The following PODXL variants were observed in gnomAD, a reference collection of about 807,000 sequenced individuals.
PODXL encodes podocalyxin.
A neutral mutation model predicts 48.9 loss-of-function variants in PODXL; 20 were observed. The ratio of observed to expected loss-of-function variants is 0.41; its 90% CI spans 0.29 to 0.59. PODXL has a LOEUF of 0.59. PODXL is among the 20% of genes least tolerant of loss of function. The pLI is 0.31. For synonymous variants in PODXL, 295 were observed against 287.4 expected (o/e 1.03, Z -0.27); for missense variants, 606 against 675.1 (o/e 0.90, Z 1.13).
At chr7:131,507,080 G>C (rs1389480095) in intron 5 of PODXL, among the ~76,000 whole-genome samples, 1 of 152,220 alleles carries the variant, frequency 6.6e-6, no homozygotes, top group Non-Finnish European at 1.5e-5. Flanking sequence ...ACGGGCTAGA[G>C]AGGGGGCACT....
intron 1 of PODXL, among the ~76,000 whole-genome samples, chr7:131,554,054 T>C (rs781221145): frequency 7.2e-5 from 11 of 152,190 alleles, no homozygotes; most frequent in Non-Finnish European, 1.5e-4. Flanking sequence ...AATTCCTTTG[T>C]TGCAGAGACT....
At chr7:131,517,426 G>A (rs1798017678) in intron 1 of PODXL, among the ~76,000 whole-genome samples, 1 of 152,206 alleles carries the variant, frequency 6.6e-6, no homozygotes. Context: ...GACTCACAAC[G>A]ATAGAGAACG....
rs74873813 is a variant in PODXL at position 131,503,588 on chromosome 7, C to G, written c.*723G>C. On this transcript the variant is annotated 3_prime_UTR_variant, in exon 9 of 9. Coordinates refer to ENST00000378555, the MANE Select transcript of PODXL (RefSeq NM_001018111.3). Reference sequence around the variant, plus strand: ...CTGTGTGGGTTAAGCCCCCATCTCACGAAGCAAATGTGAGAAAATCCGAAT... The same window carrying G: ...CTGTGTGGGTTAAGCCCCCATCTCAGGAAGCAAATGTGAGAAAATCCGAAT... 6.6e-6 allele frequency: 1 copy of G among 152,336 alleles called. No individual in the cohort carries two copies. Among genetic ancestry groups the G allele is most frequent in the African/African-American group, 2.4e-5 (1 of 41,400 alleles). 9.4% of individuals were successfully genotyped at this position (152,336 alleles called of 1,614,324 possible). A position where few individuals can be genotyped will look rare whatever the true frequency, so the allele number is the denominator to read the frequency against.
intron 1 of PODXL, among the ~76,000 whole-genome samples, chr7:131,553,433 C>G (rs1270817324): frequency 6.6e-6 from 1 of 152,172 alleles, no homozygotes. Flanking sequence ...GATCCCAATG[C>G]CTGGGGTCCC....
intron 1 of PODXL, among the ~76,000 whole-genome samples, chr7:131,532,123 AATCATC>A (rs1246306662): frequency 2.7e-5 from 4 of 147,946 alleles, no homozygotes; most frequent in Admixed American, 6.7e-5. Flanking sequence ...TAATAATAAT[AATCATC>A]ATCATCATCA....
chr7:131,542,352 G>A (rs981483255), intron 1 of PODXL, among the ~76,000 whole-genome samples: 5 of 152,164 alleles, frequency 3.3e-5, no homozygotes, highest in African/African-American at 1.2e-4. Flanking sequence ...AAGAAAAGAA[G>A]GCTAATTCAA....
intron 1 of PODXL, among the ~76,000 whole-genome samples, chr7:131,533,459 C>A (rs1166384954): frequency 6.6e-6 from 1 of 152,194 alleles, no homozygotes; most frequent in African/African-American, 2.4e-5. Context: ...CCGGCACCCG[C>A]TGCTCCCTGT....
At chr7:131,504,602 A>C (rs1010404072) in intron 8 of PODXL, 94 bp from the exon 9 acceptor site, 6 of 1,040,596 alleles carry the variant, frequency 5.8e-6, no homozygotes, top group Non-Finnish European at 8.8e-6. Flanking sequence ...CAGGAGCCCC[A>C]CTGTAGCTAA....
intron 1 of PODXL, among the ~76,000 whole-genome samples, chr7:131,543,348 ACTC>A (rs1486594832): frequency 6.6e-6 from 1 of 151,284 alleles, no homozygotes; most frequent in Non-Finnish European, 1.5e-5. Context: ...CTGGTCTTGA[ACTC>A]CTGGCTTCAA....
At chr7:131,545,841 C>T (rs544846690) in intron 1 of PODXL, among the ~76,000 whole-genome samples, 30 of 152,266 alleles carry the variant, frequency 2.0e-4, no homozygotes, top group African/African-American at 5.1e-4. Flanking sequence ...TTGAGGATTA[C>T]GAAATGTTCT....
chr7:131,509,838 A>C (rs1185151506), intron 3 of PODXL, among the ~76,000 whole-genome samples: 1 of 152,192 alleles, frequency 6.6e-6, no homozygotes, highest in African/African-American at 2.4e-5. Context: ...CTGAATCCTC[A>C]CAATCCTCTG....
chr7:131,522,977 G>A (rs771558991), intron 1 of PODXL, among the ~76,000 whole-genome samples: 1 of 152,182 alleles, frequency 6.6e-6, no homozygotes, highest in Non-Finnish European at 1.5e-5. Flanking sequence ...TATGCATAAT[G>A]CTGCTATGAA....
At chr7:131,545,754 T>C (rs1798565496) in intron 1 of PODXL, among the ~76,000 whole-genome samples, 1 of 152,250 alleles carries the variant, frequency 6.6e-6, no homozygotes, top group Admixed American at 6.5e-5. Context: ...TGTAAGATCA[T>C]AATGTATTTT....
chr7:131,531,101 G>A lies in PODXL; in HGVS notation c.101-19668C>T, dbSNP rs190373182. 4.6e-5 allele frequency among the ~76,000 whole-genome samples: 7 copies of A among 152,068 alleles called. No individual in the cohort carries two copies. In the East Asian group the frequency reaches 1.4e-3, roughly 29 times the overall value. Reference sequence around the variant, plus strand: ...AGTACGCTTAATTCCCTGCCCCAGCGGTCTGGTCATCCCCTTGCCCTGCTC... The same window carrying A: ...AGTACGCTTAATTCCCTGCCCCAGCAGTCTGGTCATCCCCTTGCCCTGCTC... On this transcript the variant is annotated intron_variant, in intron 1 of 8. Transcript: ENST00000378555.
intron 1 of PODXL, among the ~76,000 whole-genome samples, chr7:131,524,409 A>AGAGAG (rs760491817): frequency 2.6e-3 from 186 of 72,224 alleles, no homozygotes; most frequent in Non-Finnish European, 4.7e-3. Flanking sequence ...GAGAGAGAGA[A>AGAGAG]AACAACAAGG....
rs1797750499 is a variant in PODXL, at chr7:131,503,716, A to G, written c.*595T>C. The stretch of plus-strand genomic sequence containing the variant: ...ACTGAGTGTAGGGAGGGGTAAGAAC[A>G]TAGAGGGTGGGAAGATGGGTACACG... On this transcript the variant is annotated 3_prime_UTR_variant, in exon 9 of 9. Transcript: ENST00000378555. The G allele has an allele frequency of 1.3e-5, 2 of 156,426 alleles. No individual in the cohort carries two copies. Among genetic ancestry groups the G allele is most frequent in the African/African-American group, 4.8e-5 (2 of 41,368 alleles). 9.7% of individuals were successfully genotyped at this position (156,426 alleles called of 1,614,324 possible).
intron 1 of PODXL, among the ~76,000 whole-genome samples, chr7:131,529,562 C>T (rs995039542): frequency 2.0e-5 from 3 of 151,956 alleles, no homozygotes; most frequent in Non-Finnish European, 4.4e-5. Context: ...GTATCGACCT[C>T]TCCTTCCTTC....
At position 131,506,655 on chromosome 7, in the gene PODXL, G is replaced by C; in HGVS notation, c.1173C>G (p.Ala391=). Residue 391 remains alanine, a synonymous_variant, in exon 6 of 9, where the codon GCC becomes GCG. Coordinates refer to ENST00000378555, the MANE Select transcript of PODXL (RefSeq NM_001018111.3). The part of the protein sequence containing the change: ...CRAVKATFNP[A]QDKCGIRLAS... The stretch of plus-strand genomic sequence containing the variant: ...CCAGCCGTATGCCGCACTTATCTTG[G>C]GCCGGGTTGAAGGTGGCTTTGACTG... The C allele has an allele frequency of 6.2e-7, 1 of 1,614,170 alleles. No individual in the cohort carries two copies. The highest frequency in any genetic ancestry group is 8.5e-7 in the Non-Finnish European group (1 of 1,180,012).
intron 7 of PODXL, 33 bp from the exon 8 acceptor site, chr7:131,506,068 G>A (rs1472182485): frequency 6.3e-7 from 1 of 1,596,060 alleles, no homozygotes. Context: ...CAGGCTGGGG[G>A]CATCCTCTCT....
Sources: allele counts gnomAD v4.1 joint callset (sites outside exome capture counted in the v4.1 genomes callset), GRCh38; gene constraint gnomAD v4.1.1; transcripts MANE v1.5; gene names NCBI Gene and HGNC (gene_info 2026-07-23, HGNC 2026-07-21).